HRH1: variants seen among roughly 807,000 people sequenced by gnomAD.
HRH1 encodes histamine receptor H1, also known as histamine H1 receptor.
Under a neutral mutation model 10.3 loss-of-function variants are expected in HRH1, and 6 were observed. The observed-to-expected ratio is 0.58, with a 90% CI of 0.32 to 1.15. HRH1 has a LOEUF of 1.15. Ranked by LOEUF, HRH1 falls within the 50% of genes most tolerant of loss-of-function variation. The pLI, the probability that HRH1 is intolerant of heterozygous loss-of-function variation, is 0.05. For synonymous variants in HRH1, 242 were observed against 236.7 expected, an observed-to-expected ratio of 1.02 and a Z score of -0.21; for missense variants, 514 against 615.3, an observed-to-expected ratio of 0.84 and a Z score of 1.74.
chr3:11,195,124 C>A (rs1375019835), intron 1 of HRH1, among the ~76,000 whole-genome samples: 1 of 152,154 alleles, frequency 6.6e-6, no homozygotes, highest in Admixed American at 6.5e-5. Context: ...CCAGCCGAAA[C>A]CTTTGAGAGT....
Position 11,259,497 on chromosome 3 carries a change from C to A in HRH1, c.460C>A (p.Leu154Ile). ...GGCCACCATTCTGGGGGCCTGGTTT[C>A]TCTCTTTTCTGTGGGTTATTCCCAT... ...ASATILGAWF[L>I]SFLWVIPILG... Residue 154 changes from leucine (L) to isoleucine (I), a missense_variant, in exon 2 of 2, where the codon CTC (leucine) becomes ATC (isoleucine). Leu to Ile is a conservative substitution (Grantham distance 5). Transcript: ENST00000431010. The surrounding 1 kb of genome is among the most constrained non-coding windows in gnomAD (Gnocchi z 4.6). 4.3e-6 allele frequency: 7 copies of A among 1,614,092 alleles called. No individual in the cohort carries two copies. The highest frequency in any genetic ancestry group is 5.9e-6 in the Non-Finnish European group (7 of 1,180,034).
At chr3:11,222,316 C>T (rs1343969335) in intron 1 of HRH1, among the ~76,000 whole-genome samples, 1 of 152,146 alleles carries the variant, frequency 6.6e-6, no homozygotes, top group Non-Finnish European at 1.5e-5. Context: ...CTCATGGGAA[C>T]AATTTATGAA....
intron 1 of HRH1, among the ~76,000 whole-genome samples, chr3:11,147,289 T>C (rs978058272): frequency 1.3e-5 from 2 of 152,202 alleles, no homozygotes; most frequent in South Asian, 2.1e-4. Flanking sequence ...TTGTTAAATA[T>C]TGTTTGTAAG....
At chr3:11,247,607 C>G (rs113166972) in intron 1 of HRH1, among the ~76,000 whole-genome samples, 1 of 151,958 alleles carries the variant, frequency 6.6e-6, no homozygotes, top group Admixed American at 6.5e-5. Flanking sequence ...GGTTGTTTAC[C>G]GAACAGGTAG....
At position 11,191,274 on chromosome 3, in the gene HRH1, C is replaced by T. The variant is rs571311601; in HGVS notation, c.-36+36720C>T. Reference sequence around the variant, plus strand: ...CAACATATCCTGCTACTAAAACCTGCAGTGAACAGAAGTGGGTGGGGAGCC... The same window carrying T: ...CAACATATCCTGCTACTAAAACCTGTAGTGAACAGAAGTGGGTGGGGAGCC... On this transcript the variant is annotated intron_variant, in intron 1 of 1. Transcript: ENST00000431010. Among the ~76,000 whole-genome samples, 14 of 152,282 alleles carry T rather than the reference C, an allele frequency of 9.2e-5. No homozygotes were observed. In the South Asian group the frequency reaches 2.9e-3, roughly 32 times the overall value.
chr3:11,233,498 T>G (rs962614347), intron 1 of HRH1, among the ~76,000 whole-genome samples: 6 of 152,182 alleles, frequency 3.9e-5, no homozygotes, highest in African/African-American at 1.2e-4. Context: ...TTGCTGCTAC[T>G]CTGGTAATAA....
At chr3:11,250,424 C>T (rs992048862) in intron 1 of HRH1, among the ~76,000 whole-genome samples, 1 of 151,916 alleles carries the variant, frequency 6.6e-6, no homozygotes, top group South Asian at 2.1e-4. Flanking sequence ...GGGTATGATG[C>T]GTCCATCCTC....
intron 1 of HRH1, among the ~76,000 whole-genome samples, chr3:11,242,602 C>T (rs1237240025): frequency 6.6e-6 from 1 of 151,682 alleles, no homozygotes; most frequent in African/African-American, 2.4e-5. Flanking sequence ...GACACACTAC[C>T]TCAAGATACA....
chr3:11,254,682 C>T (rs1197132891), intron 1 of HRH1, among the ~76,000 whole-genome samples: 1 of 152,154 alleles, frequency 6.6e-6, no homozygotes, highest in Admixed American at 6.5e-5. Flanking sequence ...GATCTGAGAC[C>T]CTCCCCGGAG....
At chr3:11,158,586 T>C (rs1036927547) in intron 1 of HRH1, among the ~76,000 whole-genome samples, 4 of 152,228 alleles carry the variant, frequency 2.6e-5, no homozygotes, top group African/African-American at 9.7e-5. Context: ...ATTTAGGATA[T>C]TTTTAACATC....
chr3:11,140,352 T>A (rs915038856), intron 1 of HRH1, among the ~76,000 whole-genome samples: 1 of 152,052 alleles, frequency 6.6e-6, no homozygotes, highest in Non-Finnish European at 1.5e-5. Context: ...TCCTTAGGCG[T>A]GGCAGTTGAC....
chr3:11,254,301 G>A lies in HRH1; in HGVS notation c.-35-4702G>A, dbSNP rs143886505. ...ATCCTTCTCCATATGCTTCTCTTGC[G>A]GAAATTTTCAAGTCCCTCTTAGCAT... On this transcript the variant is annotated intron_variant, in intron 1 of 1. Transcript: ENST00000431010. 1.5e-3 allele frequency among the ~76,000 whole-genome samples: 230 copies of A among 152,138 alleles called. 1 individual carries two copies. Among genetic ancestry groups the A allele is most frequent in the African/African-American group, 5.2e-3 (217 of 41,498 alleles).
At chr3:11,255,891 T>G (rs1939769548) in intron 1 of HRH1, among the ~76,000 whole-genome samples, 2 of 152,222 alleles carry the variant, frequency 1.3e-5, no homozygotes, top group South Asian at 4.1e-4. Context: ...TCCCTTTACC[T>G]TAAGTGATTT....
chr3:11,179,554 A>C (rs1475119872), intron 1 of HRH1, among the ~76,000 whole-genome samples: 2 of 150,642 alleles, frequency 1.3e-5, no homozygotes, highest in African/African-American at 2.4e-5. Flanking sequence ...CGGGAGGCGG[A>C]GCTTGCAGTG....
At chr3:11,236,749 A>G (rs1334067760) in intron 1 of HRH1, among the ~76,000 whole-genome samples, 1 of 152,240 alleles carries the variant, frequency 6.6e-6, no homozygotes, top group East Asian at 1.9e-4. Flanking sequence ...CCCTGTATAT[A>G]AATACCCTGG....
In HRH1 at chr3:11,145,053, G is replaced by A. The variant is rs539624672; in HGVS notation, c.-36+7654G>A. 4.6e-5 allele frequency among the ~76,000 whole-genome samples: 7 copies of A among 152,038 alleles called. No homozygotes were observed. In the East Asian group the frequency reaches 1.4e-3, roughly 29 times the overall value. On this transcript the variant is annotated intron_variant, in intron 1 of 1. Coordinates refer to the HRH1 transcript ENST00000438284. Reference sequence around the variant, plus strand: ...AGTATCTCTGGAAGCTCTTCTCCCAGCCCCAATCCCCATGGCCGCTGCGCT... The same window carrying A: ...AGTATCTCTGGAAGCTCTTCTCCCAACCCCAATCCCCATGGCCGCTGCGCT...
At chr3:11,245,972 C>G (rs1939469593) in intron 1 of HRH1, among the ~76,000 whole-genome samples, 1 of 151,236 alleles carries the variant, frequency 6.6e-6, no homozygotes, top group Non-Finnish European at 1.5e-5. Flanking sequence ...TACACACACA[C>G]TCATGTACTC....
At position 11,259,459 on chromosome 3, in the gene HRH1, A is replaced by G; in HGVS notation, c.422A>G (p.Lys141Arg). 6.2e-7 allele frequency: 1 copy of G among 1,613,956 alleles called. No homozygotes were observed. Among genetic ancestry groups the G allele is most frequent in the Non-Finnish European group, 8.5e-7 (1 of 1,179,976 alleles). ...CTCAGGTACCTTAAGTATCGTACCAAGACCCGAGCCTCGGCCACCATTCTG... is the reference window on the plus strand; with the variant it reads ...CTCAGGTACCTTAAGTATCGTACCAGGACCCGAGCCTCGGCCACCATTCTG... ...QPLRYLKYRTKTRASATILGA... is the reference protein window; with the variant it reads ...QPLRYLKYRTRTRASATILGA... Residue 141 changes from lysine to arginine, a missense_variant, in exon 2 of 2, where the codon AAG becomes AGG. Lys to Arg is a conservative substitution (Grantham distance 26). Coordinates refer to ENST00000431010, the MANE Select transcript of HRH1 (RefSeq NM_001098212.2). This position sits in a 1 kb window ranked among gnomAD's most constrained non-coding sequence, Gnocchi z 4.6.
intron 1 of HRH1, among the ~76,000 whole-genome samples, chr3:11,219,443 G>T (rs1183754063): frequency 6.6e-6 from 1 of 152,054 alleles, no homozygotes; most frequent in Non-Finnish European, 1.5e-5. Flanking sequence ...GCTGGGCACG[G>T]TGGCTCATGC....
Sources: gnomAD v4.1 joint callset for allele counts (sites outside exome capture counted in the v4.1 genomes callset) on GRCh38, gnomAD v4.1.1 for gene constraint, Gnocchi (gnomAD v3.1) non-coding constraint, MANE v1.5 for transcripts, NCBI Gene and HGNC (gene_info 2026-07-23, HGNC 2026-07-21) for gene names.